The following EMID1 variants were observed in gnomAD, a reference collection of about 807,000 sequenced individuals.
EMID1 encodes EMI domain containing 1, also known as EMI domain-containing protein 1.
EMID1 carries 40 observed loss-of-function variants against 60.6 expected under a neutral mutation model. The ratio of observed to expected loss-of-function variants is 0.66; its 90% CI spans 0.51 to 0.86. The LOEUF (loss-of-function observed/expected upper bound fraction) is 0.86. Ranked by LOEUF, EMID1 falls within the 40% of genes least tolerant of loss-of-function variation. The probability of loss-of-function intolerance (pLI) is 0.00; values close to 1 mark genes in which losing one functional copy is unlikely to be tolerated. For synonymous variants in EMID1, 242 were observed against 231.0 expected, an observed-to-expected ratio of 1.05 and a Z score of -0.43; for missense variants, 585 against 597.1, an observed-to-expected ratio of 0.98 and a Z score of 0.21.
chr22:29,254,513 C>G (rs1043554794), intron 14 of EMID1: 6 of 531,600 alleles, frequency 1.1e-5, no homozygotes, highest in Admixed American at 6.3e-5. Context: ...CTGCTGTGGT[C>G]AGACCTGGGC....
rs1443217069 is a variant in EMID1 at position 29,205,935 on chromosome 22, G to A, written c.-104G>A. 3 of 602,950 alleles carry A rather than the reference G, an allele frequency of 5.0e-6. No homozygotes were observed. Among genetic ancestry groups the A allele is most frequent in the Non-Finnish European group, 6.3e-6 (3 of 473,682 alleles). The allele number at this position is 602,950 out of a possible 1,614,324, so 37.3% of individuals were successfully genotyped here. A position where few individuals can be genotyped will look rare whatever the true frequency, so the allele number is the denominator to read the frequency against. On this transcript the variant is annotated 5_prime_UTR_variant, in exon 1 of 15. Coordinates refer to ENST00000334018, the MANE Select transcript of EMID1 (RefSeq NM_133455.4). ...CTCCGGCCGCGGAGCTGGAAACCGG[G>A]CTCCGCGCGTCCGGGGCGGCTGGCG...
At chr22:29,239,854 T>A (rs2041092141) in intron 12 of EMID1, among the ~76,000 whole-genome samples, 1 of 151,338 alleles carries the variant, frequency 6.6e-6, no homozygotes, top group Admixed American at 6.6e-5. Context: ...CCACCTCCTG[T>A]GTTCAAGTGA....
chr22:29,214,782 A>T (rs1470707496), intron 1 of EMID1, 144 bp from the exon 2 acceptor site: 2 of 522,460 alleles, frequency 3.8e-6, no homozygotes, highest in African/African-American at 3.8e-5. Context: ...TTGGGCCCAA[A>T]TGACTTTGCA....
chr22:29,218,343 G>A (rs2040163812), intron 3 of EMID1, among the ~76,000 whole-genome samples: 1 of 152,244 alleles, frequency 6.6e-6, no homozygotes, highest in Non-Finnish European at 1.5e-5. Flanking sequence ...TCTGCAGAAT[G>A]GGGATGTTCA....
chr22:29,237,862 C>T (rs1445658813), intron 12 of EMID1, among the ~76,000 whole-genome samples: 1 of 144,348 alleles, frequency 6.9e-6, no homozygotes. Context: ...CTCTGAAGAA[C>T]TACCTTTATT....
chr22:29,247,819 C>T (rs1160562748), intron 13 of EMID1, among the ~76,000 whole-genome samples: 2 of 151,444 alleles, frequency 1.3e-5, no homozygotes, highest in African/African-American at 2.4e-5. Context: ...TTAGTAGAGA[C>T]GGGGTTTCAC....
At position 29,257,420 on chromosome 22, in the gene EMID1, C is replaced by T. The variant is rs12628611; in HGVS notation, c.1205-1397C>T. ...AGTAAACTTGCTAGGTGAGCGATGC[C>T]GTGGCCATTTTACAGGTGAAGAAAC... On this transcript the variant is annotated intron_variant, in intron 14 of 14. Coordinates refer to ENST00000334018, the MANE Select transcript of EMID1 (RefSeq NM_133455.4). Among the ~76,000 whole-genome samples, 605 of 152,290 alleles carry T rather than the reference C, an allele frequency of 4.0e-3. 31 individuals carry two copies. The East Asian group carries it at 0.1, about 26-fold the overall frequency.
intron 1 of EMID1, among the ~76,000 whole-genome samples, 164 bp downstream of exon 1, chr22:29,206,303 G>A (rs1311025663): frequency 6.6e-6 from 1 of 152,232 alleles, no homozygotes; most frequent in Non-Finnish European, 1.5e-5. Context: ...CGCGAGTGCG[G>A]GGTCCCCTAC....
intron 14 of EMID1, chr22:29,255,132 G>C: frequency 2.0e-6 from 1 of 489,170 alleles, no homozygotes; most frequent in Non-Finnish European, 3.6e-6. Flanking sequence ...GGGAAACTGA[G>C]GTCTCAGTAC....
intron 10 of EMID1, 126 bp from the exon 11 acceptor site, chr22:29,234,011 G>C (rs1362502927): frequency 9.7e-7 from 1 of 1,028,524 alleles, no homozygotes; most frequent in Non-Finnish European, 1.4e-6. Flanking sequence ...CGGTGTGCTG[G>C]GTGTATGGTG....
chr22:29,235,054 T>G (rs1259699777), intron 12 of EMID1, among the ~76,000 whole-genome samples: 1 of 152,012 alleles, frequency 6.6e-6, no homozygotes, highest in East Asian at 1.9e-4. Context: ...TTATTAAATG[T>G]AAGAAAGTGT....
At chr22:29,228,497 ATTTTC>A (rs1483021043) in intron 5 of EMID1, among the ~76,000 whole-genome samples, 5 of 152,130 alleles carry the variant, frequency 3.3e-5, no homozygotes, top group Non-Finnish European at 5.9e-5. Flanking sequence ...TTTCTTCCAG[ATTTTC>A]TAAACACACA....
chr22:29,221,323 C>A (rs2040289976), intron 3 of EMID1, among the ~76,000 whole-genome samples: 1 of 152,012 alleles, frequency 6.6e-6, no homozygotes, highest in Non-Finnish European at 1.5e-5. Context: ...GTTTCAGGGC[C>A]TTTGACCAAA....
chr22:29,229,287 C>T (rs940911626), intron 5 of EMID1, among the ~76,000 whole-genome samples: 2 of 151,946 alleles, frequency 1.3e-5, no homozygotes, highest in Non-Finnish European at 2.9e-5. Flanking sequence ...TGCAGTGAGT[C>T]GTGATAGCAC....
At chr22:29,207,878 G>C (rs184846439) in intron 1 of EMID1, among the ~76,000 whole-genome samples, 32 of 149,352 alleles carry the variant, frequency 2.1e-4, no homozygotes, top group African/African-American at 8.0e-4. Context: ...TCGGCTTGGG[G>C]GCACCAGGAA....
intron 1 of EMID1, among the ~76,000 whole-genome samples, chr22:29,210,193 G>A (rs181886938): frequency 6.6e-6 from 1 of 151,936 alleles, no homozygotes; most frequent in Non-Finnish European, 1.5e-5. Context: ...TGTCTCCTAA[G>A]GAGAGGATTC....
chr22:29,230,503 T>C (rs960957648), intron 5 of EMID1, among the ~76,000 whole-genome samples: 1 of 152,198 alleles, frequency 6.6e-6, no homozygotes, highest in Non-Finnish European at 1.5e-5. Context: ...GCAATGATGG[T>C]GTCAGTGACT....
intron 13 of EMID1, among the ~76,000 whole-genome samples, chr22:29,249,758 G>A (rs2041458235): frequency 6.6e-6 from 1 of 150,676 alleles, no homozygotes; most frequent in African/African-American, 2.4e-5. Context: ...GGGATTGCAG[G>A]TGCCTGCCAC....
chr22:29,241,981 GCTCACTGCAGT>G lies in EMID1; in HGVS notation c.1075-1461_1075-1451del, dbSNP rs1261608318. Among the ~76,000 whole-genome samples, 6 of 152,274 alleles carry G rather than the reference GCTCACTGCAGT, an allele frequency of 3.9e-5. No individual in the cohort carries two copies. In the Middle Eastern group the frequency reaches 0.01, roughly 259 times the overall value. On this transcript the variant is annotated intron_variant, in intron 12 of 14. Coordinates refer to ENST00000334018, the MANE Select transcript of EMID1 (RefSeq NM_133455.4). ...GCTGGAGTGCAATGGTGTGATCACA[GCTCACTGCAGT>G]CTTGAGCTCCTAGGCTCAAGCAATC... is the stretch of plus-strand genomic sequence containing the variant.
Sources: gnomAD v4.1 joint callset for allele counts (sites outside exome capture counted in the v4.1 genomes callset) on GRCh38, gnomAD v4.1.1 for gene constraint, MANE v1.5 for transcripts, NCBI Gene and HGNC (gene_info 2026-07-23, HGNC 2026-07-21) for gene names.